POLR1A: variants seen among roughly 807,000 people sequenced by gnomAD.
POLR1A encodes RNA polymerase I subunit A, also known as DNA-directed RNA polymerase I subunit RPA1.
Under a neutral mutation model 205.3 loss-of-function variants are expected in POLR1A, and 84 were observed. The ratio of observed to expected loss-of-function variants is 0.41; its 90% CI spans 0.34 to 0.49. The LOEUF (loss-of-function observed/expected upper bound fraction) is 0.49. Ranked by LOEUF, POLR1A falls within the 20% of genes least tolerant of loss-of-function variation. POLR1A has a pLI of 0.22. For synonymous variants in POLR1A, 799 were observed against 863.7 expected (o/e 0.93, Z 1.31); for missense variants, 1,645 against 2,204.5 (o/e 0.75, Z 5.08).
In POLR1A at chr2:86,088,600, G is replaced by A; in HGVS notation, c.696C>T (p.His232=). The A allele has an allele frequency of 3.7e-6, 6 of 1,613,938 alleles. No individual in the cohort carries two copies. The highest frequency in any genetic ancestry group is 5.1e-6 in the Non-Finnish European group (6 of 1,179,776). The change falls in exon 6 of 34, where the codon CAC becomes CAT. Residue 232 remains histidine, a synonymous_variant. Coordinates refer to ENST00000263857, the MANE Select transcript of POLR1A (RefSeq NM_015425.6). ...CAGAGTCCTTCTGGCCAGCTGTCCTGTGCACCATGGCTGGAAACGTGATAG... is the reference window on the plus strand; with the variant it reads ...CAGAGTCCTTCTGGCCAGCTGTCCTATGCACCATGGCTGGAAACGTGATAG... ...KLTITFPAMV[H]RTAGQKDSEP...
At chr2:86,047,566 T>C (rs184426446) in intron 18 of POLR1A, among the ~76,000 whole-genome samples, 1 of 152,314 alleles carries the variant, frequency 6.6e-6, no homozygotes, top group East Asian at 1.9e-4. Context: ...GTAGAGGGGC[T>C]GGCAGATCCA....
chr2:86,098,484 T>A (rs1673748988), intron 3 of POLR1A, 127 bp downstream of exon 3: 3 of 892,718 alleles, frequency 3.4e-6, no homozygotes, highest in Non-Finnish European at 5.3e-6. Flanking sequence ...TGGTATCCAG[T>A]TATAAGATAT....
chr2:86,097,558 G>A (rs1235776088), intron 3 of POLR1A, among the ~76,000 whole-genome samples: 2 of 152,134 alleles, frequency 1.3e-5, no homozygotes, highest in African/African-American at 4.8e-5. Context: ...ATACTATTTG[G>A]CCATAATAAA....
chr2:86,092,490 T>C (rs562826317), intron 3 of POLR1A, among the ~76,000 whole-genome samples: 2 of 152,352 alleles, frequency 1.3e-5, no homozygotes, highest in South Asian at 4.1e-4. Flanking sequence ...CCTGCTGGCA[T>C]ACTATGTCTC....
At position 86,042,964 on chromosome 2, in the gene POLR1A, C is replaced by A. The variant is rs369603823; in HGVS notation, c.3357+10G>T. On this transcript the variant is annotated intron_variant, in intron 23 of 33. Coordinates refer to ENST00000263857, the MANE Select transcript of POLR1A (RefSeq NM_015425.6). Reference sequence around the variant, plus strand: ...TGCTGGACATTAAGGACACCACCTCCCTGCATCACCTCCTGAGTCCCAGGG... The same window carrying A: ...TGCTGGACATTAAGGACACCACCTCACTGCATCACCTCCTGAGTCCCAGGG... 6 of 1,602,736 alleles carry A rather than the reference C, an allele frequency of 3.7e-6. No homozygotes were observed. The highest frequency in any genetic ancestry group is 4.3e-6 in the Non-Finnish European group (5 of 1,170,106).
At chr2:86,103,428 T>C (rs942770883) in intron 1 of POLR1A, among the ~76,000 whole-genome samples, 2 of 152,144 alleles carry the variant, frequency 1.3e-5, no homozygotes, top group African/African-American at 4.8e-5. Context: ...TGTAAAGACT[T>C]GGTTTTTACT....
chr2:86,090,637 C>T (rs1056108145), intron 3 of POLR1A, among the ~76,000 whole-genome samples: 2 of 152,198 alleles, frequency 1.3e-5, no homozygotes, highest in Non-Finnish European at 2.9e-5. Flanking sequence ...TGGTGCTGTG[C>T]TGAAGCAGGA....
intron 12 of POLR1A, 34 bp downstream of exon 12, chr2:86,074,996 G>A (rs745976091): frequency 2.6e-5 from 37 of 1,449,918 alleles, no homozygotes; most frequent in African/African-American, 9.7e-5. Flanking sequence ...AACAGGAGCC[G>A]GATGGGTCCC....
intron 30 of POLR1A, 139 bp from the exon 31 acceptor site, chr2:86,030,535 G>A (rs1672367161): frequency 1.6e-6 from 1 of 642,498 alleles, no homozygotes; most frequent in African/African-American, 1.8e-5. Flanking sequence ...CCAGCAGGTA[G>A]TCTGAACATT....
rs1275144549 is a variant in POLR1A, at chr2:86,043,101, C to T, written c.3230G>A (p.Ser1077Asn). The change falls in exon 23 of 34, where the codon AGC (serine) becomes AAC (asparagine). Residue 1077 changes from serine to asparagine, a missense_variant. Physicochemically the swap from Ser to Asn is conservative, Grantham distance 46. Transcript: ENST00000263857. ...HHFRAIKKWQ[S>N]KHPNTLLRRG... is the part of the protein sequence containing the mutation. ...TCTCAGCAGGGTGTTGGGGTGCTTG[C>T]TTTGCCATTTTTTGATAGCTCTGAA... The T allele has an allele frequency of 3.7e-6, 6 of 1,614,074 alleles. No individual in the cohort carries two copies. In the African/African-American group the frequency reaches 8.0e-5, roughly 22 times the overall value.
At chr2:86,073,549 T>C (rs902790657) in intron 12 of POLR1A, among the ~76,000 whole-genome samples, 2 of 152,184 alleles carry the variant, frequency 1.3e-5, no homozygotes, top group Non-Finnish European at 2.9e-5. Context: ...CCCCAAACTC[T>C]CCCTGCCCAC....
intron 22 of POLR1A, among the ~76,000 whole-genome samples, chr2:86,043,920 AG>A (rs946378104): frequency 6.6e-6 from 1 of 152,186 alleles, no homozygotes; most frequent in African/African-American, 2.4e-5. Context: ...ATTATTCCAG[AG>A]GTGCTCGTGC....
At chr2:86,081,827 T>C in intron 7 of POLR1A, 121 bp from the exon 8 acceptor site, 1 of 639,062 alleles carries the variant, frequency 1.6e-6, no homozygotes, top group Non-Finnish European at 2.7e-6. Flanking sequence ...TATGTAGAGT[T>C]AAGGTCACAG....
At chr2:86,056,144 T>C (rs1454409224) in intron 14 of POLR1A, among the ~76,000 whole-genome samples, 1 of 152,050 alleles carries the variant, frequency 6.6e-6, no homozygotes, top group Non-Finnish European at 1.5e-5. Flanking sequence ...ATGAACAATC[T>C]GAAAATGAAA....
At position 86,065,478 on chromosome 2, in the gene POLR1A, A is replaced by G; in HGVS notation, c.1867-13T>C. The G allele has an allele frequency of 1.9e-6, 3 of 1,605,618 alleles. No individual in the cohort carries two copies. Among genetic ancestry groups the G allele is most frequent in the Non-Finnish European group, 2.6e-6 (3 of 1,175,490 alleles). On this transcript the variant is annotated splice_polypyrimidine_tract_variant and intron_variant, in intron 13 of 33. Transcript: ENST00000263857. ...ATGGTTGGCCATCCTATAAGCCAAA[A>G]CAGACAACACAAGAAGAATGAAAAT...
At chr2:86,066,877 A>T (rs1460921667) in intron 13 of POLR1A, among the ~76,000 whole-genome samples, 1 of 152,082 alleles carries the variant, frequency 6.6e-6, no homozygotes, top group South Asian at 2.1e-4. Flanking sequence ...TAATGTACAT[A>T]AAAAAATTAT....
chr2:86,098,527 G>A, intron 3 of POLR1A, 84 bp downstream of exon 3: 2 of 1,375,890 alleles, frequency 1.5e-6, no homozygotes, highest in Non-Finnish European at 2.0e-6. Context: ...TATCGGCATG[G>A]TAACTAGGAC....
At chr2:86,088,527 G>C in intron 6 of POLR1A, 39 bp downstream of exon 6, 2 of 1,260,944 alleles carry the variant, frequency 1.6e-6, no homozygotes, top group Non-Finnish European at 2.3e-6. Flanking sequence ...ACATCTGCTG[G>C]CCTCACATGG....
intron 6 of POLR1A, among the ~76,000 whole-genome samples, chr2:86,084,837 G>A (rs1673473774): frequency 6.6e-6 from 1 of 151,826 alleles, no homozygotes; most frequent in South Asian, 2.1e-4. Context: ...TCTCCAGCTA[G>A]TTTCTTTAAA....
Sources: allele counts gnomAD v4.1 joint callset (sites outside exome capture counted in the v4.1 genomes callset), GRCh38; gene constraint gnomAD v4.1.1; transcripts MANE v1.5; gene names NCBI Gene and HGNC (gene_info 2026-07-23, HGNC 2026-07-21).